ARMC9: variants seen among roughly 807,000 people sequenced by gnomAD.
ARMC9 encodes the protein lisH domain-containing protein ARMC9.
Under a neutral mutation model 107.0 loss-of-function variants are expected in ARMC9, and 94 were observed. That is an observed-to-expected ratio of 0.88 (90% CI 0.74 to 1.04). The LOEUF (loss-of-function observed/expected upper bound fraction) is 1.04, where lower values mean the gene tolerates loss of function less well. Among genes scored for constraint, ARMC9 ranks in the 50% least tolerant of loss-of-function variants. The probability of loss-of-function intolerance (pLI) is 0.00; values close to 1 mark genes in which losing one functional copy is unlikely to be tolerated. For synonymous variants in ARMC9, 380 were observed against 396.9 expected, an observed-to-expected ratio of 0.96 and a Z score of 0.51; for missense variants, 942 against 1,030.1, an observed-to-expected ratio of 0.91 and a Z score of 1.17.
chr2:231,248,623 A>G (rs1191331325), intron 9 of ARMC9, among the ~76,000 whole-genome samples: 2 of 151,982 alleles, frequency 1.3e-5, no homozygotes, highest in African/African-American at 4.8e-5. Flanking sequence ...CCTGACCAAC[A>G]TGGTGAAACC....
intron 3 of ARMC9, among the ~76,000 whole-genome samples, chr2:231,213,726 T>C (rs2033177558): frequency 6.6e-6 from 1 of 152,074 alleles, no homozygotes; most frequent in Non-Finnish European, 1.5e-5. Context: ...CCACCTGCCT[T>C]GGCCTCCCGA....
intron 17 of ARMC9, among the ~76,000 whole-genome samples, chr2:231,286,295 T>C (rs184020708): frequency 2.6e-5 from 4 of 152,318 alleles, no homozygotes; most frequent in African/African-American, 9.6e-5. Flanking sequence ...TTTGTATTTT[T>C]AGTAGAGACG....
At position 231,258,901 on chromosome 2, in the gene ARMC9, G is replaced by A. The variant is rs1195573291; in HGVS notation, c.915-90G>A. ...TGCTGGGAGCCCATGGGAACAGCAGGCTCTAGCTTGGGTGTCATAATGCTC... is the reference window on the plus strand; with the variant it reads ...TGCTGGGAGCCCATGGGAACAGCAGACTCTAGCTTGGGTGTCATAATGCTC... On this transcript the variant is annotated intron_variant, in intron 10 of 24. Transcript: ENST00000611582. 1.0e-5 allele frequency: 12 copies of A among 1,197,084 alleles called. No individual in the cohort carries two copies. In the Admixed American group the frequency reaches 1.9e-4, roughly 18 times the overall value. The allele number at this position is 1,197,084 out of a possible 1,614,324, so 74.2% of individuals were successfully genotyped here.
In ARMC9 at chr2:231,224,947, T is replaced by C. The variant is rs2034500288; in HGVS notation, c.598-1827T>C. ...AATTTAATATTACTGGAGCAGAGTATTGGCATAGACAAACTCAGAGACTAG... is the reference window on the plus strand; with the variant it reads ...AATTTAATATTACTGGAGCAGAGTACTGGCATAGACAAACTCAGAGACTAG... On this transcript the variant is annotated intron_variant, in intron 6 of 24. Coordinates refer to ENST00000611582, the MANE Select transcript of ARMC9 (RefSeq NM_001352754.2). 3.3e-5 allele frequency among the ~76,000 whole-genome samples: 5 copies of C among 152,344 alleles called. No individual in the cohort carries two copies. The South Asian group carries it at 1.0e-3, about 32-fold the overall frequency.
intron 17 of ARMC9, among the ~76,000 whole-genome samples, chr2:231,284,208 G>A (rs368505609): frequency 3.9e-5 from 6 of 152,108 alleles, no homozygotes; most frequent in East Asian, 3.8e-4. Flanking sequence ...ACACAGTCAC[G>A]TGCTGAACAG....
rs1315683697 is a variant in ARMC9 at position 231,283,922 on chromosome 2, T to TA, written c.1626+1790dup. On this transcript the variant is annotated intron_variant, in intron 17 of 24. Transcript: ENST00000611582. The stretch of plus-strand genomic sequence containing the variant: ...TAATTTTTTTTAAGAGACAGGGTCT[T>TA]ACCATGTTGCCCAAGCTGGTCTCAA... Among the ~76,000 whole-genome samples, 15 of 152,190 alleles carry TA rather than the reference T, an allele frequency of 9.9e-5. No homozygotes were observed. In the East Asian group the frequency reaches 2.9e-3, roughly 29 times the overall value.
intron 12 of ARMC9, among the ~76,000 whole-genome samples, chr2:231,270,067 G>A (rs1357160750): frequency 6.6e-6 from 1 of 152,052 alleles, no homozygotes; most frequent in African/African-American, 2.4e-5. Context: ...CTGATTTCAC[G>A]GTCTCTAATT....
intron 19 of ARMC9, among the ~76,000 whole-genome samples, chr2:231,325,483 G>A (rs1052158529): frequency 2.6e-5 from 4 of 152,156 alleles, no homozygotes; most frequent in African/African-American, 9.7e-5. Flanking sequence ...TGGCAGGGAA[G>A]TAGTGTCTCA....
chr2:231,270,507 C>T (rs1038653881), intron 12 of ARMC9: 27 of 394,274 alleles, frequency 6.8e-5, no homozygotes, highest in African/African-American at 4.2e-4. Context: ...CCTTCTTGAG[C>T]CTGCTAAGCC....
In ARMC9 at chr2:231,297,747, A is replaced by G. The variant is rs1209123985; in HGVS notation, c.1773+1494A>G. ...CCCGGACTTGGGCAGCCTTCTCTTG[A>G]TTATAATGAGTCACCACCTTTGTGC... On this transcript the variant is annotated intron_variant, in intron 19 of 24. Transcript: ENST00000611582. The surrounding 1 kb of genome is among the most constrained non-coding windows in gnomAD (Gnocchi z 4.2). Among the ~76,000 whole-genome samples the G allele has an allele frequency of 1.3e-5, 2 of 152,206 alleles. No homozygotes were observed. Among genetic ancestry groups the G allele is most frequent in the Non-Finnish European group, 2.9e-5 (2 of 68,024 alleles).
intron 1 of ARMC9, among the ~76,000 whole-genome samples, chr2:231,204,156 A>G (rs2031576987): frequency 6.8e-6 from 1 of 146,384 alleles, no homozygotes. Flanking sequence ...CCTGGGCAAC[A>G]GAGGGAAACT....
In ARMC9 at chr2:231,216,635, T is replaced by C; in HGVS notation, c.349-3T>C. ...CTCAAACAAGTGTTTTCCCTTCTTC[T>C]AGGACAAAGAGGAGCTGGATGAAAA... On this transcript the variant is annotated splice_polypyrimidine_tract_variant and splice_region_variant and intron_variant, in intron 4 of 24. Transcript: ENST00000611582. 1 of 1,613,000 alleles carries C rather than the reference T, an allele frequency of 6.2e-7. No homozygotes were observed. Among genetic ancestry groups the C allele is most frequent in the Non-Finnish European group, 8.5e-7 (1 of 1,179,490 alleles).
rs751616290 is a variant in ARMC9, at chr2:231,215,001, G to A, written c.348G>A (p.Pro116=). 10 of 1,613,836 alleles carry A rather than the reference G, an allele frequency of 6.2e-6. No homozygotes were observed. Among genetic ancestry groups the A allele is most frequent in the East Asian group, 4.5e-5 (2 of 44,886 alleles). ...TTTTGAAGTACTCTGTGGGGAGACC[G>A]GTGGGTTTACCTGGTGATGCGGGTG... The part of the protein sequence containing the change: ...IYLLKYSVGR[P]DKEELDEKIS... The change falls in exon 4 of 25, where the codon CCG becomes CCA. Residue 116 remains proline (P), a splice_region_variant and synonymous_variant. Coordinates refer to ENST00000611582, the MANE Select transcript of ARMC9 (RefSeq NM_001352754.2).
chr2:231,240,577 T>C (rs2125373022), intron 9 of ARMC9, among the ~76,000 whole-genome samples: 1 of 152,296 alleles, frequency 6.6e-6, no homozygotes, highest in Non-Finnish European at 1.5e-5. Flanking sequence ...TGAGGATAAA[T>C]TATATATATT....
chr2:231,235,450 T>C (rs1559329452), intron 8 of ARMC9, 69 bp downstream of exon 8: 4 of 1,535,180 alleles, frequency 2.6e-6, no homozygotes, highest in Non-Finnish European at 3.5e-6. Flanking sequence ...ATGGACTATG[T>C]TGATATGGCA....
chr2:231,210,561 C>G (rs1225176091), intron 3 of ARMC9, among the ~76,000 whole-genome samples: 1 of 152,224 alleles, frequency 6.6e-6, no homozygotes, highest in East Asian at 1.9e-4. Context: ...CAGTGAGACT[C>G]TTTTGTGAAG....
At position 231,297,250 on chromosome 2, in the gene ARMC9, C is replaced by T. The variant is rs2041437390; in HGVS notation, c.1773+997C>T. 6.6e-6 allele frequency among the ~76,000 whole-genome samples: 1 copy of T among 152,150 alleles called. No homozygotes were observed. Among genetic ancestry groups the T allele is most frequent in the South Asian group, 2.1e-4 (1 of 4,826 alleles). ...CGGGTACGTGCTCCTGCTGGCTCTT[C>T]CTGCCTTGTCCAGCAGTGCAGAGCT... On this transcript the variant is annotated intron_variant, in intron 19 of 24. Coordinates refer to ENST00000611582, the MANE Select transcript of ARMC9 (RefSeq NM_001352754.2). The surrounding 1 kb of genome is among the most constrained non-coding windows in gnomAD (Gnocchi z 4.2).
At chr2:231,317,700 C>G (rs772531787) in intron 19 of ARMC9, among the ~76,000 whole-genome samples, 22 of 152,086 alleles carry the variant, frequency 1.4e-4, no homozygotes, top group Non-Finnish European at 2.8e-4. Context: ...TTGTTCTCTT[C>G]TTTGAGCTGG....
chr2:231,256,172 C>G (rs2037781103), intron 9 of ARMC9: 3 of 1,528,408 alleles, frequency 2.0e-6, no homozygotes, highest in Non-Finnish European at 2.7e-6. Context: ...CTCTCAGGGA[C>G]AGTGCACGCA....
Sources: allele counts gnomAD v4.1 joint callset (sites outside exome capture counted in the v4.1 genomes callset), GRCh38; gene constraint gnomAD v4.1.1; non-coding constraint Gnocchi (gnomAD v3.1); transcripts MANE v1.5; gene names NCBI Gene and HGNC (gene_info 2026-07-23, HGNC 2026-07-21).